Variants in RFTN1 observed in about 807,000 individuals in gnomAD.
RFTN1 encodes the protein raftlin, lipid raft linker 1.
A neutral mutation model predicts 46.5 loss-of-function variants in RFTN1; 26 were observed. That is an observed-to-expected ratio of 0.56 (90% CI 0.41 to 0.78). RFTN1 has a LOEUF of 0.78. Ranked by LOEUF, RFTN1 falls within the 30% of genes least tolerant of loss-of-function variation. RFTN1 has a pLI of 0.00. For synonymous variants in RFTN1, 261 were observed against 284.2 expected (o/e 0.92, Z 0.82); for missense variants, 693 against 718.7 (o/e 0.96, Z 0.41).
chr3:16,368,430 G>A (rs1375989616), intron 6 of RFTN1, among the ~76,000 whole-genome samples: 2 of 152,204 alleles, frequency 1.3e-5, no homozygotes, highest in Non-Finnish European at 2.9e-5. Flanking sequence ...CCAGCACTTT[G>A]GGAGGCCAAG....
intron 4 of RFTN1, among the ~76,000 whole-genome samples, chr3:16,403,818 A>ATATATT (rs2074697694): frequency 4.5e-4 from 5 of 11,056 alleles, no homozygotes; most frequent in African/African-American, 3.0e-3. Flanking sequence ...TATATTTTAT[A>ATATATT]TTATATTTAT....
chr3:16,397,985 G>A (rs905717884), intron 4 of RFTN1, among the ~76,000 whole-genome samples: 23 of 152,126 alleles, frequency 1.5e-4, no homozygotes, highest in African/African-American at 5.5e-4. Flanking sequence ...GGTGGCTCAC[G>A]CCTATAATCC....
In RFTN1 at chr3:16,385,369, T is replaced by G. The variant is rs1221784491; in HGVS notation, c.442-7267A>C. Among the ~76,000 whole-genome samples the G allele has an allele frequency of 2.0e-5, 3 of 152,222 alleles. No homozygotes were observed. The highest frequency in any genetic ancestry group is 4.4e-5 in the Non-Finnish European group (3 of 68,026). ...AATTGGAAGCTTTGCCAGGCGCTGC[T>G]GGATGTTTAGCTCCGTTTTAGGGCC... is the stretch of plus-strand genomic sequence containing the variant. On this transcript the variant is annotated intron_variant, in intron 4 of 9. Coordinates refer to ENST00000334133, the MANE Select transcript of RFTN1 (RefSeq NM_015150.2). The surrounding 1 kb of genome is among the most constrained non-coding windows in gnomAD (Gnocchi z 5.0).
At position 16,413,272 on chromosome 3, in the gene RFTN1, G is replaced by A. The variant is rs1489578092; in HGVS notation, c.333-3789C>T. On this transcript the variant is annotated intron_variant, in intron 3 of 9. Transcript: ENST00000334133. This position sits in a 1 kb window ranked among gnomAD's most constrained non-coding sequence, Gnocchi z 4.7. Reference sequence around the variant, plus strand: ...CAGGTGAGGAGTGTTCTGTGTCCCTGAGGGCAAGGACTATCCTGGGAGACA... The same window carrying A: ...CAGGTGAGGAGTGTTCTGTGTCCCTAAGGGCAAGGACTATCCTGGGAGACA... 2.0e-5 allele frequency among the ~76,000 whole-genome samples: 3 copies of A among 152,226 alleles called. No homozygotes were observed. The highest frequency in any genetic ancestry group is 2.0e-4 in the Admixed American group (3 of 15,290).
chr3:16,510,717 GT>G (rs2076884505), intron 1 of RFTN1, among the ~76,000 whole-genome samples: 2 of 152,200 alleles, frequency 1.3e-5, no homozygotes, highest in African/African-American at 4.8e-5. Flanking sequence ...AGGTCTGGCA[GT>G]TTCTTTTCAG....
In RFTN1 at chr3:16,507,596, C is replaced by CAA. The variant is rs1218208463; in HGVS notation, c.-9+5844_-9+5845dup. 4.6e-5 allele frequency among the ~76,000 whole-genome samples: 5 copies of CAA among 108,184 alleles called. No homozygotes were observed. Among genetic ancestry groups the CAA allele is most frequent in the South Asian group, 6.3e-4 (2 of 3,198 alleles). 71.0% of individuals were successfully genotyped at this position (108,184 alleles called of 152,430 possible). Reference sequence around the variant, plus strand: ...GGGTAAAAGGCAAAGTAGGGAGTTTCAAAACACACACACACACACACACAC... The same window carrying CAA: ...GGGTAAAAGGCAAAGTAGGGAGTTTCAAAAAACACACACACACACACACACAC... On this transcript the variant is annotated intron_variant, in intron 1 of 9. Coordinates refer to ENST00000334133, the MANE Select transcript of RFTN1 (RefSeq NM_015150.2). The surrounding 1 kb of genome is among the most constrained non-coding windows in gnomAD (Gnocchi z 7.1).
chr3:16,324,318 G>A (rs187807531), intron 8 of RFTN1, among the ~76,000 whole-genome samples: 2 of 152,126 alleles, frequency 1.3e-5, no homozygotes, highest in African/African-American at 4.8e-5. Flanking sequence ...TTTAGGAACT[G>A]TAAACTATAC....
intron 4 of RFTN1, among the ~76,000 whole-genome samples, chr3:16,398,244 C>CAAAAAAAAAAAAAAAAAAAAAAAAAAAA (rs202032095): frequency 3.6e-5 from 4 of 110,852 alleles, no homozygotes; most frequent in African/African-American, 8.5e-5. Context: ...AAGACTGTCT[C>CAAAAAAAAAAAAAAAAAAAAAAAAAAAA]AAAAAAAAAA....
At chr3:16,408,056 C>G (rs552251168) in intron 4 of RFTN1, among the ~76,000 whole-genome samples, 3 of 152,184 alleles carry the variant, frequency 2.0e-5, no homozygotes, top group Admixed American at 1.3e-4. Context: ...TTCCTCTCAA[C>G]GGCTTCCCGC....
chr3:16,386,824 A>G (rs917041655), intron 4 of RFTN1, among the ~76,000 whole-genome samples: 1 of 152,176 alleles, frequency 6.6e-6, no homozygotes, highest in Non-Finnish European at 1.5e-5. Flanking sequence ...GTAACTGCAG[A>G]GCTCATGGGA....
intron 4 of RFTN1, among the ~76,000 whole-genome samples, chr3:16,388,348 T>C (rs939251753): frequency 3.9e-5 from 6 of 152,214 alleles, no homozygotes; most frequent in South Asian, 2.1e-4. Context: ...TAAGTATTCC[T>C]TGGGCATTTA....
At chr3:16,390,229 T>C (rs2074313977) in intron 4 of RFTN1, among the ~76,000 whole-genome samples, 1 of 152,230 alleles carries the variant, frequency 6.6e-6, no homozygotes. Context: ...ACAGTGATCG[T>C]CACTAATCCA....
intron 7 of RFTN1, among the ~76,000 whole-genome samples, chr3:16,328,890 C>T (rs529311726): frequency 3.9e-4 from 60 of 152,128 alleles, no homozygotes; most frequent in Non-Finnish European, 6.9e-4. Context: ...CATCATTCTC[C>T]ATGAGAAAAA....
At chr3:16,340,908 C>A (rs1411668798) in intron 7 of RFTN1, among the ~76,000 whole-genome samples, 1 of 152,176 alleles carries the variant, frequency 6.6e-6, no homozygotes, top group Non-Finnish European at 1.5e-5. Context: ...AAAGCCATAT[C>A]TGATAAAGGA....
chr3:16,444,398 T>C (rs1336404166), intron 2 of RFTN1, among the ~76,000 whole-genome samples: 1 of 152,244 alleles, frequency 6.6e-6, no homozygotes, highest in Non-Finnish European at 1.5e-5. Context: ...AATTTCTTCA[T>C]ATCCCTATGG....
Position 16,413,450 on chromosome 3 carries a change from C to T in RFTN1, c.333-3967G>A, listed in dbSNP as rs2075012703. On this transcript the variant is annotated intron_variant, in intron 3 of 9. Transcript: ENST00000334133. The surrounding 1 kb of genome is among the most constrained non-coding windows in gnomAD (Gnocchi z 4.7). The stretch of plus-strand genomic sequence containing the variant: ...CAGCTGAGCAGGCATTGCCACCTTC[C>T]TATGGGGTAGTGGAAATACCAGGTA... Among the ~76,000 whole-genome samples, 2 of 152,330 alleles carry T rather than the reference C, an allele frequency of 1.3e-5. No individual in the cohort carries two copies. Among genetic ancestry groups the T allele is most frequent in the South Asian group, 2.1e-4 (1 of 4,834 alleles).
chr3:16,373,446 A>T (rs2073608885), intron 5 of RFTN1, among the ~76,000 whole-genome samples: 1 of 152,222 alleles, frequency 6.6e-6, no homozygotes, highest in Non-Finnish European at 1.5e-5. Context: ...AGCCTGGTCC[A>T]TTCAGGCCTT....
chr3:16,386,890 A>G (rs1036797003), intron 4 of RFTN1, among the ~76,000 whole-genome samples: 1 of 152,216 alleles, frequency 6.6e-6, no homozygotes, highest in African/African-American at 2.4e-5. Context: ...TCCACGGGAG[A>G]CAAAAAGTAG....
intron 3 of RFTN1, among the ~76,000 whole-genome samples, chr3:16,423,253 C>T (rs528373438): frequency 7.9e-5 from 12 of 151,542 alleles, no homozygotes; most frequent in African/African-American, 2.7e-4. Context: ...CTTCCACAGA[C>T]ATTAGGCAAT....
Sources: gnomAD v4.1 joint callset for allele counts (sites outside exome capture counted in the v4.1 genomes callset) on GRCh38, gnomAD v4.1.1 for gene constraint, Gnocchi (gnomAD v3.1) non-coding constraint, MANE v1.5 for transcripts, NCBI Gene and HGNC (gene_info 2026-07-23, HGNC 2026-07-21) for gene names.